PTPRO: variants seen among roughly 807,000 people sequenced by gnomAD.
The protein encoded by PTPRO is receptor-type tyrosine-protein phosphatase O.
A neutral mutation model predicts 145.2 loss-of-function variants in PTPRO; 62 were observed. That is an observed-to-expected ratio of 0.43 (90% CI 0.35 to 0.53). PTPRO has a LOEUF of 0.53. Among genes scored for constraint, PTPRO ranks in the 20% least tolerant of loss-of-function variants. PTPRO has a pLI of 0.01. For missense variants in PTPRO, 1,345 were observed against 1,482.7 expected, an observed-to-expected ratio of 0.91 and a Z score of 1.53; for synonymous variants, 565 against 514.7, an observed-to-expected ratio of 1.10 and a Z score of -1.32.
chr12:15,552,136 A>G (rs1265810254), intron 15 of PTPRO, among the ~76,000 whole-genome samples: 1 of 152,102 alleles, frequency 6.6e-6, no homozygotes, highest in African/African-American at 2.4e-5. Context: ...TAGGTCCATT[A>G]GCAGTCTCTA....
At chr12:15,450,507 C>G (rs149903210) in intron 1 of PTPRO, among the ~76,000 whole-genome samples, 2 of 152,188 alleles carry the variant, frequency 1.3e-5, no homozygotes, top group Non-Finnish European at 2.9e-5. Context: ...GGCATGGTGG[C>G]TCATGCCTGT....
chr12:15,554,575 G>A (rs930426087), intron 15 of PTPRO, among the ~76,000 whole-genome samples: 4 of 152,156 alleles, frequency 2.6e-5, no homozygotes, highest in African/African-American at 7.2e-5. Context: ...AGAACTTGGA[G>A]TCCAATGTTG....
chr12:15,394,376 G>A (rs57405631), intron 1 of PTPRO, among the ~76,000 whole-genome samples: 4,588 of 152,000 alleles, frequency 0.03, 238 homozygotes, highest in African/African-American at 0.1. Flanking sequence ...AGGGACTGAG[G>A]GATCACATCC....
At chr12:15,537,496 C>T (rs1040898213) in intron 12 of PTPRO, among the ~76,000 whole-genome samples, 1 of 152,076 alleles carries the variant, frequency 6.6e-6, no homozygotes, top group Non-Finnish European at 1.5e-5. Flanking sequence ...CCAGGTCAAA[C>T]CTGTGAACAA....
chr12:15,505,498 A>G (rs887681109), intron 6 of PTPRO, among the ~76,000 whole-genome samples: 6 of 152,182 alleles, frequency 3.9e-5, no homozygotes, highest in South Asian at 4.1e-4. Flanking sequence ...CAAAAATGCA[A>G]TTACTTTAAA....
intron 7 of PTPRO, among the ~76,000 whole-genome samples, chr12:15,510,682 A>G (rs950214091): frequency 6.6e-6 from 1 of 152,202 alleles, no homozygotes; most frequent in Non-Finnish European, 1.5e-5. Flanking sequence ...AGAGACCACC[A>G]TGCTAGGCAT....
intron 1 of PTPRO, among the ~76,000 whole-genome samples, chr12:15,325,160 A>ATATGTGT (rs1257066074): frequency 6.6e-6 from 1 of 152,224 alleles, no homozygotes; most frequent in Non-Finnish European, 1.5e-5. Context: ...TCACTACTCC[A>ATATGTGT]TATGTGTATC....
chr12:15,387,178 A>C (rs1409308916), intron 1 of PTPRO, among the ~76,000 whole-genome samples: 1 of 152,152 alleles, frequency 6.6e-6, no homozygotes, highest in African/African-American at 2.4e-5. Flanking sequence ...ACCCCACTTC[A>C]TTGCTTGCAG....
intron 24 of PTPRO, among the ~76,000 whole-genome samples, chr12:15,588,183 T>C (rs1944470011): frequency 2.0e-5 from 3 of 152,196 alleles, no homozygotes; most frequent in Non-Finnish European, 4.4e-5. Context: ...AGATAGTAAG[T>C]GCAGTTCTGG....
chr12:15,515,249 T>C (rs564359822), intron 7 of PTPRO, among the ~76,000 whole-genome samples: 22 of 152,168 alleles, frequency 1.4e-4, no homozygotes, highest in Non-Finnish European at 2.6e-4. Context: ...ATAGTTATAA[T>C]TGACACTGAT....
At chr12:15,536,213 A>G (rs1943062458) in intron 12 of PTPRO, among the ~76,000 whole-genome samples, 1 of 152,232 alleles carries the variant, frequency 6.6e-6, no homozygotes, top group South Asian at 2.1e-4. Flanking sequence ...AAATATAAGA[A>G]TGTTAAATGG....
At chr12:15,430,329 G>A (rs1176714077) in intron 1 of PTPRO, among the ~76,000 whole-genome samples, 2 of 152,016 alleles carry the variant, frequency 1.3e-5, no homozygotes, top group Non-Finnish European at 2.9e-5. Context: ...AGAAGGTAGG[G>A]ATCTGTTGGG....
At chr12:15,492,159 C>G (rs905911908) in intron 2 of PTPRO, among the ~76,000 whole-genome samples, 4 of 151,960 alleles carry the variant, frequency 2.6e-5, no homozygotes, top group Admixed American at 2.6e-4. Flanking sequence ...TGAGAGGATG[C>G]AATGGCTTAA....
chr12:15,360,483 G>A (rs752169651), intron 1 of PTPRO, among the ~76,000 whole-genome samples: 1 of 152,192 alleles, frequency 6.6e-6, no homozygotes, highest in African/African-American at 2.4e-5. Flanking sequence ...TCTAAGTCCT[G>A]TCCCCAAGTG....
chr12:15,406,788 C>T (rs958727431), intron 1 of PTPRO, among the ~76,000 whole-genome samples: 1 of 152,140 alleles, frequency 6.6e-6, no homozygotes, highest in Non-Finnish European at 1.5e-5. Context: ...ATCCTTATAA[C>T]ATTTTGTTAA....
At chr12:15,589,396 G>A (rs1054191194) in intron 24 of PTPRO, 59 bp from the exon 25 acceptor site, 15 of 1,610,388 alleles carry the variant, frequency 9.3e-6, no homozygotes, top group East Asian at 2.2e-5. Context: ...AAAAAAAGAG[G>A]GGGGAGAAAA....
intron 2 of PTPRO, among the ~76,000 whole-genome samples, chr12:15,487,551 T>A (rs1941915260): frequency 6.6e-6 from 1 of 152,172 alleles, no homozygotes; most frequent in Non-Finnish European, 1.5e-5. Context: ...GTTTCAATTA[T>A]CATCTGCACA....
chr12:15,362,663 C>T (rs934952459), intron 1 of PTPRO, among the ~76,000 whole-genome samples: 8 of 151,712 alleles, frequency 5.3e-5, no homozygotes, highest in Non-Finnish European at 1.2e-4. Flanking sequence ...GAATTAAGAA[C>T]ATGAAATAGG....
chr12:15,446,783 T>G (rs1940913848), intron 1 of PTPRO, among the ~76,000 whole-genome samples: 2 of 151,382 alleles, frequency 1.3e-5, no homozygotes, highest in Admixed American at 6.6e-5. Context: ...ATTAAAATAT[T>G]TTATTTATAT....
Sources: allele counts gnomAD v4.1 joint callset (sites outside exome capture counted in the v4.1 genomes callset), GRCh38; gene constraint gnomAD v4.1.1; transcripts MANE v1.5; gene names NCBI Gene and HGNC (gene_info 2026-07-23, HGNC 2026-07-21).